The following APBA2 variants were observed in gnomAD, a reference collection of about 807,000 sequenced individuals.
The protein encoded by APBA2 is amyloid beta precursor protein binding family A member 2.
Under a neutral mutation model 75.0 loss-of-function variants are expected in APBA2, and 30 were observed. The observed-to-expected ratio is 0.40, with a 90% CI of 0.30 to 0.54. The LOEUF (loss-of-function observed/expected upper bound fraction) is 0.54. Among genes scored for constraint, APBA2 ranks in the 20% least tolerant of loss-of-function variants. APBA2 has a pLI of 0.49. For synonymous variants in APBA2, 444 were observed against 409.6 expected (o/e 1.08, Z -1.01); for missense variants, 801 against 1,016.1 (o/e 0.79, Z 2.88).
intron 4 of APBA2, among the ~76,000 whole-genome samples, chr15:29,057,118 T>C (rs1015948204): frequency 2.6e-5 from 4 of 152,042 alleles, no homozygotes; most frequent in Non-Finnish European, 4.4e-5. Context: ...AGTGTAGTGA[T>C]CCCTATGGTT....
chr15:29,113,387 G>T (rs1036629894), intron 13 of APBA2, among the ~76,000 whole-genome samples: 7 of 152,094 alleles, frequency 4.6e-5, no homozygotes, highest in African/African-American at 1.7e-4. Flanking sequence ...ACTCTTCCCT[G>T]TCGATGTAGA....
chr15:28,981,448 A>G (rs1190073991), intron 2 of APBA2, among the ~76,000 whole-genome samples: 1 of 152,214 alleles, frequency 6.6e-6, no homozygotes, highest in Non-Finnish European at 1.5e-5. Flanking sequence ...AATCAGTACC[A>G]CAGTGAGATA....
At chr15:29,044,213 C>T (rs554695835) in intron 3 of APBA2, 46 of 152,318 alleles carry the variant, frequency 3.0e-4, no homozygotes, top group Non-Finnish European at 6.0e-4. Flanking sequence ...CCAGCTAATG[C>T]TATTTTCCCG....
chr15:29,016,919 C>T (rs946723874), intron 3 of APBA2, among the ~76,000 whole-genome samples: 1 of 152,138 alleles, frequency 6.6e-6, no homozygotes, highest in East Asian at 1.9e-4. Flanking sequence ...TTCCTTTCAT[C>T]AAATGATGCT....
At chr15:28,984,928 TCTCTCTCTCC>T (rs2037834982) in intron 2 of APBA2, among the ~76,000 whole-genome samples, 1 of 151,690 alleles carries the variant, frequency 6.6e-6, no homozygotes, top group African/African-American at 2.4e-5. Context: ...TCTCTCTCTC[TCTCTCTCTCC>T]CTCTCTCCCC....
intron 12 of APBA2, among the ~76,000 whole-genome samples, chr15:29,107,086 T>C (rs1020692608): frequency 5.9e-5 from 9 of 152,206 alleles, no homozygotes; most frequent in Non-Finnish European, 1.3e-4. Context: ...CATGTGGCCC[T>C]GGGCAAGGGC....
intron 2 of APBA2, among the ~76,000 whole-genome samples, chr15:28,943,188 G>A (rs981522372): frequency 1.3e-5 from 2 of 152,324 alleles, no homozygotes; most frequent in South Asian, 2.1e-4. Context: ...GGCTGGGTGA[G>A]CCTCAACAGC....
At chr15:28,966,486 T>C (rs1282867878) in intron 2 of APBA2, among the ~76,000 whole-genome samples, 1 of 152,206 alleles carries the variant, frequency 6.6e-6, no homozygotes, top group East Asian at 1.9e-4. Context: ...TCTGCCTGGA[T>C]ATTAATATAG....
At chr15:29,001,572 G>A (rs867147473) in intron 3 of APBA2, among the ~76,000 whole-genome samples, 4 of 152,180 alleles carry the variant, frequency 2.6e-5, no homozygotes, top group South Asian at 2.1e-4. Context: ...AGTTGGGGGC[G>A]GGTAGATTGT....
At chr15:29,047,454 C>G (rs1216819893) in intron 3 of APBA2, among the ~76,000 whole-genome samples, 1 of 152,222 alleles carries the variant, frequency 6.6e-6, no homozygotes, top group Admixed American at 6.5e-5. Flanking sequence ...CCAATCCTAT[C>G]TTCATTTACA....
chr15:28,907,738 T>A (rs889028853), intron 1 of APBA2, among the ~76,000 whole-genome samples: 1 of 152,182 alleles, frequency 6.6e-6, no homozygotes, highest in Non-Finnish European at 1.5e-5. Context: ...CTCCCTGGGC[T>A]GACTCATAAA....
chr15:29,056,101 G>A (rs937253759), intron 4 of APBA2, among the ~76,000 whole-genome samples: 2 of 152,182 alleles, frequency 1.3e-5, no homozygotes, highest in South Asian at 2.1e-4. Context: ...GACATGCTGC[G>A]TCTTATTGTG....
intron 6 of APBA2, among the ~76,000 whole-genome samples, chr15:29,090,271 T>C (rs888590185): frequency 1.3e-5 from 2 of 152,202 alleles, no homozygotes; most frequent in African/African-American, 4.8e-5. Context: ...CATCCGTGGG[T>C]GCCAGTGGTG....
At chr15:29,091,279 G>C (rs886551763) in intron 6 of APBA2, among the ~76,000 whole-genome samples, 4 of 152,160 alleles carry the variant, frequency 2.6e-5, no homozygotes, top group African/African-American at 9.7e-5. Flanking sequence ...GGGAGGGATG[G>C]GGGTCCCTGT....
intron 2 of APBA2, among the ~76,000 whole-genome samples, chr15:28,967,912 A>G (rs1423727476): frequency 2.0e-5 from 3 of 152,186 alleles, no homozygotes; most frequent in Non-Finnish European, 4.4e-5. Context: ...TCATCTTCCC[A>G]AAATTTAACC....
intron 2 of APBA2, among the ~76,000 whole-genome samples, chr15:28,934,625 G>T (rs942391351): frequency 6.6e-6 from 1 of 152,140 alleles, no homozygotes; most frequent in Non-Finnish European, 1.5e-5. Flanking sequence ...AGGTGCTTTG[G>T]TTGCTGGATT....
chr15:29,101,454 ACTC>A (rs1164472603), intron 9 of APBA2, 142 bp from the exon 10 acceptor site: 26 of 797,456 alleles, frequency 3.3e-5, no homozygotes, highest in Non-Finnish European at 4.8e-5. Flanking sequence ...CTGGTCTTGA[ACTC>A]CTGACCTCAG....
Position 29,108,255 on chromosome 15 carries a change from C to G in APBA2, c.1918-15C>G. The G allele has an allele frequency of 6.2e-7, 1 of 1,613,602 alleles. No homozygotes were observed. Among genetic ancestry groups the G allele is most frequent in the Non-Finnish European group, 8.5e-7 (1 of 1,180,030 alleles). On this transcript the variant is annotated splice_polypyrimidine_tract_variant and intron_variant, in intron 12 of 14. Coordinates refer to ENST00000683413, the MANE Select transcript of APBA2 (RefSeq NM_001353788.2). ...CTAAGGCCCAGCCTGTGACTCCTGT[C>G]CCCGTGCTCTGCAGGGCCTGAAGAA...
At chr15:29,005,695 T>G (rs1352637232) in intron 3 of APBA2, among the ~76,000 whole-genome samples, 1 of 152,030 alleles carries the variant, frequency 6.6e-6, no homozygotes, top group Non-Finnish European at 1.5e-5. Flanking sequence ...TGCAACCCCA[T>G]CTCTACTAAA....
Sources: gnomAD v4.1 joint callset for allele counts (sites outside exome capture counted in the v4.1 genomes callset) on GRCh38, gnomAD v4.1.1 for gene constraint, MANE v1.5 for transcripts, NCBI Gene and HGNC (gene_info 2026-07-23, HGNC 2026-07-21) for gene names.